The following EYS variants were observed in gnomAD, a reference collection of about 807,000 sequenced individuals.
EYS encodes the protein EGF-like photoreceptor maintenance factor, also known as protein eyes shut homolog.
Under a neutral mutation model 282.1 loss-of-function variants are expected in EYS, and 250 were observed. That is an observed-to-expected ratio of 0.89 (90% CI 0.80 to 0.98). The LOEUF (loss-of-function observed/expected upper bound fraction) is 0.98. EYS is among the 50% of genes least tolerant of loss of function. The pLI is 0.00. For synonymous variants in EYS, 1,355 were observed against 1,282.9 expected (o/e 1.06, Z -1.20); for missense variants, 4,016 against 3,709.0 (o/e 1.08, Z -2.15).
chr6:65,248,097 C>G (rs1767227704), intron 12 of EYS, among the ~76,000 whole-genome samples: 1 of 151,398 alleles, frequency 6.6e-6, no homozygotes. Flanking sequence ...GTTTTTTTTC[C>G]TCCTCAGCTG....
chr6:65,181,699 C>T (rs1452302248), intron 12 of EYS, among the ~76,000 whole-genome samples: 1 of 152,096 alleles, frequency 6.6e-6, no homozygotes, highest in Admixed American at 6.6e-5. Flanking sequence ...CCAGCCATCC[C>T]ATTACTGGGT....
intron 22 of EYS, among the ~76,000 whole-genome samples, chr6:64,642,952 C>T (rs753596485): frequency 2.0e-5 from 3 of 152,170 alleles, no homozygotes; most frequent in Non-Finnish European, 4.4e-5. Context: ...CCCGTCTCTA[C>T]TAGAAGTACA....
chr6:63,872,374 A>G (rs1772830423), intron 35 of EYS, among the ~76,000 whole-genome samples: 2 of 148,858 alleles, frequency 1.3e-5, no homozygotes, highest in South Asian at 2.1e-4. Flanking sequence ...GTGTGTGTGT[A>G]TGTGTGTGAG....
intron 12 of EYS, among the ~76,000 whole-genome samples, chr6:65,145,770 A>T (rs1440610425): frequency 6.6e-6 from 1 of 151,978 alleles, no homozygotes. Context: ...AAATTTATAT[A>T]ATAGGAGTTT....
At chr6:65,637,555 C>T (rs1041473537) in intron 2 of EYS, among the ~76,000 whole-genome samples, 2 of 152,166 alleles carry the variant, frequency 1.3e-5, no homozygotes, top group African/African-American at 2.4e-5. Context: ...CCAGCTGTGG[C>T]GCTGGACTCT....
At chr6:64,864,303 T>C (rs929915313) in intron 19 of EYS, among the ~76,000 whole-genome samples, 1 of 150,356 alleles carries the variant, frequency 6.7e-6, no homozygotes, top group Admixed American at 6.7e-5. Context: ...GAGAGTTTCA[T>C]AGGCCAAATC....
At chr6:63,855,937 G>A (rs1772378355) in intron 36 of EYS, among the ~76,000 whole-genome samples, 1 of 150,880 alleles carries the variant, frequency 6.6e-6, no homozygotes, top group African/African-American at 2.4e-5. Flanking sequence ...ATAAACAAAA[G>A]CTTGAACAAA....
At chr6:65,341,492 T>G (rs891394965) in intron 10 of EYS, among the ~76,000 whole-genome samples, 3 of 151,194 alleles carry the variant, frequency 2.0e-5, no homozygotes, top group African/African-American at 7.3e-5. Context: ...ATTTGACAGA[T>G]CTAATAGAAC....
rs183144142 is a variant in EYS, at chr6:65,600,894, C to T, written c.-333+38884G>A. On this transcript the variant is annotated intron_variant, in intron 2 of 42. Transcript: ENST00000503581. ...CCTTTCCCTATTGTTTTAGGTAAGC[C>T]GTCAGTATATCTGTTTTGCAAAGAA... Among the ~76,000 whole-genome samples the T allele has an allele frequency of 4.6e-5, 7 of 151,584 alleles. No individual in the cohort carries two copies. In the East Asian group the frequency reaches 1.4e-3, roughly 29 times the overall value.
intron 12 of EYS, among the ~76,000 whole-genome samples, chr6:65,266,532 T>C (rs1218084914): frequency 6.6e-6 from 1 of 151,906 alleles, no homozygotes; most frequent in African/African-American, 2.4e-5. Context: ...AAAATAAAAT[T>C]TTAAATCCAC....
At chr6:64,144,967 G>C (rs1458653547) in intron 31 of EYS, among the ~76,000 whole-genome samples, 1 of 152,120 alleles carries the variant, frequency 6.6e-6, no homozygotes, top group Non-Finnish European at 1.5e-5. Flanking sequence ...ATCTCACTCA[G>C]AGAAAGGTTT....
At chr6:64,673,656 A>G (rs779726275) in intron 22 of EYS, among the ~76,000 whole-genome samples, 2 of 152,040 alleles carry the variant, frequency 1.3e-5, no homozygotes, top group Non-Finnish European at 2.9e-5. Context: ...TAAATGATCA[A>G]CCTCTCCTGG....
chr6:65,698,931 T>A (rs969423208), intron 1 of EYS, among the ~76,000 whole-genome samples: 1 of 152,182 alleles, frequency 6.6e-6, no homozygotes, highest in African/African-American at 2.4e-5. Context: ...TACAATTACT[T>A]TTCTAAACTG....
At chr6:64,295,729 C>T (rs1299191175) in intron 30 of EYS, among the ~76,000 whole-genome samples, 1 of 132,936 alleles carries the variant, frequency 7.5e-6, no homozygotes, top group Non-Finnish European at 1.6e-5. Context: ...ACTCCGTCTC[C>T]AAAAAAAAAA....
At chr6:63,894,471 A>T (rs1773483970) in intron 35 of EYS, among the ~76,000 whole-genome samples, 1 of 152,132 alleles carries the variant, frequency 6.6e-6, no homozygotes, top group Non-Finnish European at 1.5e-5. Context: ...ACGAGGAAGG[A>T]TCCTACCCTG....
At chr6:64,771,558 T>C (rs1773522332) in intron 22 of EYS, among the ~76,000 whole-genome samples, 1 of 151,818 alleles carries the variant, frequency 6.6e-6, no homozygotes, top group East Asian at 1.9e-4. Flanking sequence ...TTTGTACTAC[T>C]TTGCATAAGT....
intron 22 of EYS, among the ~76,000 whole-genome samples, chr6:64,740,156 C>A (rs1772323257): frequency 6.6e-6 from 1 of 152,018 alleles, no homozygotes; most frequent in South Asian, 2.1e-4. Context: ...CTTTCTCCTC[C>A]TCATCAGAAC....
intron 28 of EYS, among the ~76,000 whole-genome samples, chr6:64,434,818 A>G (rs1159904422): frequency 6.6e-6 from 1 of 152,064 alleles, no homozygotes; most frequent in South Asian, 2.1e-4. Flanking sequence ...TATAATTATG[A>G]TTTTTTAAAA....
Position 63,789,096 on chromosome 6 carries a change from C to T in EYS, c.7540G>A (p.Val2514Ile), listed in dbSNP as rs1253909945. ...PLNLSLGVHT[V>I]HLGKFFQEGW... Reference sequence around the variant, plus strand: ...TCTTGGAAGAACTTGCCCAGATGAACAGTGTGGACTCCAAGGCTCAGATTG... The same window carrying T: ...TCTTGGAAGAACTTGCCCAGATGAATAGTGTGGACTCCAAGGCTCAGATTG... The change falls in exon 38 of 43, where the codon GTT (valine) becomes ATT (isoleucine). Residue 2514 changes from valine (V) to isoleucine (I), a missense_variant. Coordinates refer to ENST00000503581, the MANE Select transcript of EYS (RefSeq NM_001142800.2). 3.9e-6 allele frequency: 6 copies of T among 1,551,610 alleles called. No individual in the cohort carries two copies. The East Asian group carries it at 7.3e-5, about 19-fold the overall frequency.
Sources: gnomAD v4.1 joint callset for allele counts (sites outside exome capture counted in the v4.1 genomes callset) on GRCh38, gnomAD v4.1.1 for gene constraint, MANE v1.5 for transcripts, NCBI Gene and HGNC (gene_info 2026-07-23, HGNC 2026-07-21) for gene names.